Variants in STARD5 observed in about 807,000 individuals in gnomAD.
The protein encoded by STARD5 is StAR related lipid transfer domain containing 5.
A neutral mutation model predicts 24.6 loss-of-function variants in STARD5; 26 were observed. The ratio of observed to expected loss-of-function variants is 1.06; its 90% CI spans 0.77 to 1.47. STARD5 has a LOEUF of 1.47. Ranked by LOEUF, STARD5 falls within the 40% of genes most tolerant of loss-of-function variation. The probability of loss-of-function intolerance (pLI) is 0.00; values close to 1 mark genes in which losing one functional copy is unlikely to be tolerated. For missense variants in STARD5, 254 were observed against 270.8 expected, an observed-to-expected ratio of 0.94 and a Z score of 0.44; for synonymous variants, 101 against 99.7, an observed-to-expected ratio of 1.01 and a Z score of -0.07.
Position 81,312,305 on chromosome 15 carries a change from G to A in STARD5, c.*951C>T, listed in dbSNP as rs1900901598. 2 of 152,282 alleles carry A rather than the reference G, an allele frequency of 1.3e-5. No homozygotes were observed. The highest frequency in any genetic ancestry group is 1.3e-4 in the Admixed American group (2 of 15,290). The allele number at this position is 152,282 out of a possible 1,614,324, so 9.4% of individuals were successfully genotyped here. On this transcript the variant is annotated 3_prime_UTR_variant, in exon 6 of 6. Coordinates refer to ENST00000302824, the MANE Select transcript of STARD5 (RefSeq NM_181900.3). ...GTGAGTTTGTACAGTCTTGCAGCAGGATCTAGAGGGGGGATTTCCAGCCAG... is the reference window on the plus strand; with the variant it reads ...GTGAGTTTGTACAGTCTTGCAGCAGAATCTAGAGGGGGGATTTCCAGCCAG...
In STARD5 at chr15:81,318,449, A is replaced by G. The variant is rs1353391913; in HGVS notation, c.454T>C (p.Phe152Leu). 2 of 1,614,096 alleles carry G rather than the reference A, an allele frequency of 1.2e-6. No individual in the cohort carries two copies. The highest frequency in any genetic ancestry group is 1.7e-5 in the Admixed American group (1 of 60,010). ...CPPKPGFVRGFNHPCGCFCEP... is the reference protein window; with the variant it reads ...CPPKPGFVRGLNHPCGCFCEP... ...CAGAAGCAACCACAAGGATGGTTAA[A>G]TCCTCTCACAAAACCTGGCTTCGGG... Residue 152 changes from phenylalanine (F) to leucine (L), a missense_variant, in exon 5 of 6, where the codon TTT (phenylalanine) becomes CTT (leucine). By Grantham distance (22) the Phe-to-Leu change is conservative. Coordinates refer to ENST00000302824, the MANE Select transcript of STARD5 (RefSeq NM_181900.3).
rs562846997 is a variant in STARD5 at position 81,313,503 on chromosome 15, T to C, written c.495-100A>G. On this transcript the variant is annotated intron_variant, in intron 5 of 5. Coordinates refer to ENST00000302824, the MANE Select transcript of STARD5 (RefSeq NM_181900.3). The stretch of plus-strand genomic sequence containing the variant: ...GAGCCCAGCCCAGTGGAAATGGCCA[T>C]GATACAGTGATCGCGTCTCATCCCT... The C allele has an allele frequency of 4.8e-4, 566 of 1,176,548 alleles. 4 individuals carry two copies. The highest frequency in any genetic ancestry group is 1.2e-3 in the Middle Eastern group (4 of 3,220). The allele number at this position is 1,176,548 out of a possible 1,614,324, so 72.9% of individuals were successfully genotyped here.
At chr15:81,313,661 A>T in intron 5 of STARD5, 1 of 292,896 alleles carries the variant, frequency 3.4e-6, no homozygotes, top group Non-Finnish European at 6.3e-6. Context: ...CAGCCCAAAA[A>T]CCCAGTACCC....
intron 4 of STARD5, 61 bp from the exon 5 acceptor site, chr15:81,318,563 G>C (rs1211118118): frequency 1.2e-5 from 17 of 1,470,886 alleles, no homozygotes; most frequent in Non-Finnish European, 1.4e-5. Context: ...CACTGCCATT[G>C]GGGTGCCATA....
chr15:81,321,275 T>C (rs1901189247), intron 3 of STARD5, among the ~76,000 whole-genome samples: 1 of 152,220 alleles, frequency 6.6e-6, no homozygotes. Context: ...AATCATGTTA[T>C]TTTAATGAAT....
At chr15:81,318,542 G>T in intron 4 of STARD5, 40 bp from the exon 5 acceptor site, 1 of 1,580,362 alleles carries the variant, frequency 6.3e-7, no homozygotes, top group Admixed American at 1.7e-5. Context: ...TACAACTTCA[G>T]ACGGTCAGGT....
chr15:81,323,676 A>C (rs765870028), intron 1 of STARD5: 9 of 1,013,266 alleles, frequency 8.9e-6, no homozygotes, highest in Non-Finnish European at 1.4e-5. Flanking sequence ...GTTTTTAAAC[A>C]CCTGCTTACC....
At chr15:81,318,633 C>T (rs1379637640) in intron 4 of STARD5, 131 bp from the exon 5 acceptor site, 19 of 738,910 alleles carry the variant, frequency 2.6e-5, no homozygotes, top group Non-Finnish European at 4.3e-5. Context: ...TGCCTCTTGG[C>T]GTGAGTTCCC....
chr15:81,312,962 C>T lies in STARD5; in HGVS notation c.*294G>A, dbSNP rs767481987. 13 of 201,886 alleles carry T rather than the reference C, an allele frequency of 6.4e-5. No individual in the cohort carries two copies. The highest frequency in any genetic ancestry group is 1.2e-4 in the Non-Finnish European group (12 of 99,560). The allele number at this position is 201,886 out of a possible 1,614,324, so 12.5% of individuals were successfully genotyped here. On this transcript the variant is annotated 3_prime_UTR_variant, in exon 6 of 6. Transcript: ENST00000302824. Reference sequence around the variant, plus strand: ...GCATCGCATGGTGTCCAGGCCGAGTCTCTGTCAGATGGTTAGAGGCCTGGG... The same window carrying T: ...GCATCGCATGGTGTCCAGGCCGAGTTTCTGTCAGATGGTTAGAGGCCTGGG...
rs1029303174 is a variant in STARD5 at position 81,320,936 on chromosome 15, G to A, written c.282+1472C>T. Among the ~76,000 whole-genome samples the A allele has an allele frequency of 5.3e-5, 8 of 152,130 alleles. No individual in the cohort carries two copies. In the East Asian group the frequency reaches 1.3e-3, roughly 26 times the overall value. On this transcript the variant is annotated intron_variant, in intron 3 of 5. Coordinates refer to ENST00000302824, the MANE Select transcript of STARD5 (RefSeq NM_181900.3). ...CCTATCCATCCATCCACCTATCATC[G>A]ATCATCTATCTATTTTAGAATTAGG...
At chr15:81,321,647 T>C (rs1456467074) in intron 3 of STARD5, among the ~76,000 whole-genome samples, 6 of 151,856 alleles carry the variant, frequency 4.0e-5, no homozygotes, top group Admixed American at 2.0e-4. Context: ...ACATGAAATA[T>C]ATGATTAAAA....
rs1555426042 is a variant in STARD5, at chr15:81,314,908, A to AAC, written c.495-1506_495-1505insGT. Among the ~76,000 whole-genome samples the AAC allele has an allele frequency of 3.4e-4, 50 of 146,222 alleles. 1 individual carries two copies. In the East Asian group the frequency reaches 8.5e-3, roughly 25 times the overall value. The stretch of plus-strand genomic sequence containing the variant: ...CCTCAAAAAAGAAAAAAAAAAAAAA[A>AAC]AAAAAAAGAATCTCACTCTTCAAGT... On this transcript the variant is annotated intron_variant, in intron 5 of 5. Coordinates refer to ENST00000302824, the MANE Select transcript of STARD5 (RefSeq NM_181900.3).
chr15:81,322,847 A>G, intron 2 of STARD5, 52 bp downstream of exon 2: 1 of 1,610,612 alleles, frequency 6.2e-7, no homozygotes. Flanking sequence ...CCATAAAGAT[A>G]CCAGGAAGGG....
At chr15:81,322,013 G>A (rs774661422) in intron 3 of STARD5, among the ~76,000 whole-genome samples, 6 of 152,224 alleles carry the variant, frequency 3.9e-5, no homozygotes, top group Non-Finnish European at 7.3e-5. Context: ...AAAATCTGTT[G>A]GATGCATGTA....
chr15:81,313,207 A>T lies in STARD5; in HGVS notation c.*49T>A, dbSNP rs765552577. 1.4e-6 allele frequency: 2 copies of T among 1,471,942 alleles called. No individual in the cohort carries two copies. The highest frequency in any genetic ancestry group is 2.9e-5 in the African/African-American group (2 of 69,268). 91.2% of individuals were successfully genotyped at this position (1,471,942 alleles called of 1,614,324 possible). A position where few individuals can be genotyped will look rare whatever the true frequency, so the allele number is the denominator to read the frequency against. ...GGCTCCTTGGTGTCCCAACAGCTGG[A>T]GCTCCTCGATGAGTCACGGGAGTTC... On this transcript the variant is annotated 3_prime_UTR_variant, in exon 6 of 6. Coordinates refer to ENST00000302824, the MANE Select transcript of STARD5 (RefSeq NM_181900.3).
intron 4 of STARD5, among the ~76,000 whole-genome samples, chr15:81,318,913 C>A (rs570363271): frequency 6.6e-6 from 1 of 152,132 alleles, no homozygotes; most frequent in Admixed American, 6.5e-5. Context: ...AACTCTCCCG[C>A]GTAGAAGAAT....
rs746283070 is a variant in STARD5 at position 81,313,383 on chromosome 15, A to G, written c.515T>C (p.Leu172Pro). Reference sequence around the variant, plus strand: ...GAGGTCGGTATGGAAGAATGTGACCAGGTTGGTCTTGGTGGGTTCCCTGTG... The same window carrying G: ...GAGGTCGGTATGGAAGAATGTGACCGGGTTGGTCTTGGTGGGTTCCCTGTG... ...PLPGEPTKTNLVTFFHTDLSG... is the reference protein window; with the variant it reads ...PLPGEPTKTNPVTFFHTDLSG... The change falls in exon 6 of 6, where the codon CTG becomes CCG. Residue 172 changes from leucine (L) to proline (P), a missense_variant. Leu to Pro is a moderately conservative substitution (Grantham distance 98, BLOSUM62 -3). Transcript: ENST00000302824. The G allele has an allele frequency of 1.9e-6, 3 of 1,564,722 alleles. No homozygotes were observed. Among genetic ancestry groups the G allele is most frequent in the Non-Finnish European group, 2.6e-6 (3 of 1,154,036 alleles).
chr15:81,315,748 G>A (rs1051143886), intron 5 of STARD5, among the ~76,000 whole-genome samples: 2 of 152,070 alleles, frequency 1.3e-5, no homozygotes, highest in African/African-American at 4.8e-5. Flanking sequence ...TTACTCAAGA[G>A]AGCAAGAGGA....
At chr15:81,314,912 A>AAAAAAAAAAC (rs1901047329) in intron 5 of STARD5, among the ~76,000 whole-genome samples, 1 of 150,976 alleles carries the variant, frequency 6.6e-6, no homozygotes, top group Non-Finnish European at 1.5e-5. Context: ...AAAAAAAAAA[A>AAAAAAAAAAC]AAAGAATCTC....
Sources: gnomAD v4.1 joint callset for allele counts (sites outside exome capture counted in the v4.1 genomes callset) on GRCh38, gnomAD v4.1.1 for gene constraint, MANE v1.5 for transcripts, NCBI Gene and HGNC (gene_info 2026-07-23, HGNC 2026-07-21) for gene names.